Variants in TMX2 observed in about 807,000 individuals in gnomAD.
TMX2 encodes thioredoxin related transmembrane protein 2.
In TMX2, 20 loss-of-function variants were observed where a neutral mutation model predicts 33.4. That is an observed-to-expected ratio of 0.60 (90% CI 0.42 to 0.87). The LOEUF (loss-of-function observed/expected upper bound fraction) is 0.87, where lower values mean the gene tolerates loss of function less well. Ranked by LOEUF, TMX2 falls within the 40% of genes least tolerant of loss-of-function variation. The probability of loss-of-function intolerance (pLI) is 0.00; values close to 1 mark genes in which losing one functional copy is unlikely to be tolerated. For synonymous variants in TMX2, 166 were observed against 140.7 expected (o/e 1.18, Z -1.27); for missense variants, 340 against 370.7 (o/e 0.92, Z 0.68).
chr11:57,718,086 C>G (rs1332894698), intron 1 of TMX2: 20 of 1,290,020 alleles, frequency 1.6e-5, no homozygotes, highest in Non-Finnish European at 2.0e-5. Flanking sequence ...GCTGGTCTTG[C>G]CATTCCTGGA....
intron 1 of TMX2, among the ~76,000 whole-genome samples, chr11:57,733,447 G>A (rs147223946): frequency 0.017 from 2,617 of 151,700 alleles, 89 homozygotes; most frequent in African/African-American, 0.059. Flanking sequence ...TAGTAGAGAC[G>A]GGTTTCACCA....
At chr11:57,731,700 A>G (rs1038217017) in intron 1 of TMX2, among the ~76,000 whole-genome samples, 2 of 152,132 alleles carry the variant, frequency 1.3e-5, no homozygotes, top group Non-Finnish European at 2.9e-5. Flanking sequence ...GGTGGAGACC[A>G]AGAAGCTCCC....
At chr11:57,727,735 C>T (rs995630851) in intron 1 of TMX2, among the ~76,000 whole-genome samples, 3 of 152,168 alleles carry the variant, frequency 2.0e-5, no homozygotes, top group Non-Finnish European at 2.9e-5. Context: ...CCTTCCTTCT[C>T]AGATCCAGGA....
rs745516995 is a variant in TMX2, at chr11:57,738,397, G to A, written c.408G>A (p.Glu136=). Residue 136 remains glutamate (E), a synonymous_variant, in exon 4 of 8, where the codon GAG becomes GAA. Coordinates refer to ENST00000278422, the MANE Select transcript of TMX2 (RefSeq NM_015959.4). ...AACCCCCCCTATATATGGGCCCTGA[G>A]TATATCAAGTACTTCAATGATAAAA... ...TCKPPLYMGP[E]YIKYFNDKTI... 31 of 1,612,234 alleles carry A rather than the reference G, an allele frequency of 1.9e-5. No homozygotes were observed. Among genetic ancestry groups the A allele is most frequent in the South Asian group, 8.8e-5 (8 of 91,024 alleles).
At chr11:57,716,336 G>C (rs1363554548) in intron 1 of TMX2, among the ~76,000 whole-genome samples, 1 of 134,320 alleles carries the variant, frequency 7.4e-6, no homozygotes, top group East Asian at 2.2e-4. Flanking sequence ...GGCTGGCCGG[G>C]CGGGGGGCTG....
At chr11:57,716,453 A>C (rs1357566319) in intron 1 of TMX2, among the ~76,000 whole-genome samples, 2 of 103,606 alleles carry the variant, frequency 1.9e-5, no homozygotes, top group African/African-American at 3.6e-5. Context: ...TGACCCCCCC[A>C]CCTCCCTCCC....
intron 1 of TMX2, 61 bp downstream of exon 1, chr11:57,712,868 C>A: frequency 6.3e-7 from 1 of 1,583,834 alleles, no homozygotes; most frequent in Non-Finnish European, 8.6e-7. Flanking sequence ...GCAGGTGTAT[C>A]TGGGAACCCT....
intron 1 of TMX2, among the ~76,000 whole-genome samples, chr11:57,737,311 C>T (rs35278724): frequency 6.6e-6 from 1 of 152,076 alleles, no homozygotes; most frequent in Non-Finnish European, 1.5e-5. Context: ...TCCCAGCTAC[C>T]TGGGAGGCGG....
intron 1 of TMX2, among the ~76,000 whole-genome samples, chr11:57,713,521 G>A (rs1946775871): frequency 6.6e-6 from 1 of 152,114 alleles, no homozygotes; most frequent in Admixed American, 6.5e-5. Context: ...GGGACTGCTC[G>A]GAACATAAAC....
intron 1 of TMX2, among the ~76,000 whole-genome samples, chr11:57,735,936 G>T (rs139020961): frequency 6.6e-6 from 1 of 152,326 alleles, no homozygotes; most frequent in East Asian, 1.9e-4. Flanking sequence ...AACTGCAAAA[G>T]GGAGGGGCAG....
At chr11:57,716,655 A>G (rs529884825) in intron 1 of TMX2, among the ~76,000 whole-genome samples, 428 of 44,394 alleles carry the variant, frequency 9.6e-3, no homozygotes, top group Admixed American at 0.011. Context: ...CGGCTGGCCG[A>G]GCGGGGGGCT....
chr11:57,716,987 G>A (rs1947148963), intron 1 of TMX2, among the ~76,000 whole-genome samples: 1 of 151,114 alleles, frequency 6.6e-6, no homozygotes, highest in Non-Finnish European at 1.5e-5. Context: ...CTTCTCAGAC[G>A]GGGCGGCTGG....
chr11:57,719,012 A>G (rs1947372329), intron 1 of TMX2, among the ~76,000 whole-genome samples: 1 of 140,348 alleles, frequency 7.1e-6, no homozygotes. Flanking sequence ...AAAAGCTGAT[A>G]TTCAGGCCAT....
At chr11:57,718,165 C>T in intron 1 of TMX2, 1 of 1,234,558 alleles carries the variant, frequency 8.1e-7, no homozygotes, top group Non-Finnish European at 1.2e-6. Flanking sequence ...ACATGCTTGC[C>T]ATCCAACCAC....
chr11:57,717,961 A>G (rs772771322), intron 1 of TMX2: 6 of 707,974 alleles, frequency 8.5e-6, no homozygotes, highest in Non-Finnish European at 1.3e-5. Flanking sequence ...CTGCGAGCAA[A>G]TGGGGTAGAG....
intron 1 of TMX2, among the ~76,000 whole-genome samples, chr11:57,731,118 GTTTTTTGTTTTTT>G (rs1948362953): frequency 4.2e-5 from 3 of 71,202 alleles, no homozygotes; most frequent in African/African-American, 1.4e-4. Context: ...TCCGTTTTTT[GTTTTTTGTTTTTT>G]TTTTTTTTTT....
At chr11:57,715,591 T>TTTTTTTTTTTC (rs1479799001) in intron 1 of TMX2, among the ~76,000 whole-genome samples, 2 of 146,576 alleles carry the variant, frequency 1.4e-5, no homozygotes, top group African/African-American at 5.0e-5. Flanking sequence ...GTTTTCTTTT[T>TTTTTTTTTTTC]TTTTTCTTTT....
intron 1 of TMX2, among the ~76,000 whole-genome samples, chr11:57,716,273 C>A (rs1204421170): frequency 8.8e-5 from 13 of 148,172 alleles, no homozygotes; most frequent in African/African-American, 2.7e-4. Context: ...GACCCCCCCC[C>A]ACCTCCCTCC....
At chr11:57,719,514 CTTT>C (rs1183104624) in intron 1 of TMX2, among the ~76,000 whole-genome samples, 77 of 70,504 alleles carry the variant, frequency 1.1e-3, no homozygotes, top group Admixed American at 1.6e-3. Flanking sequence ...TTTTCTTTGT[CTTT>C]TTTTTTTTTT....
Sources: gnomAD v4.1 joint callset for allele counts (sites outside exome capture counted in the v4.1 genomes callset) on GRCh38, gnomAD v4.1.1 for gene constraint, MANE v1.5 for transcripts, NCBI Gene and HGNC (gene_info 2026-07-23, HGNC 2026-07-21) for gene names.